MYCT1: variants seen among roughly 807,000 people sequenced by gnomAD.
MYCT1 encodes MYC target 1.
MYCT1 carries 12 observed loss-of-function variants against 15.0 expected under a neutral mutation model. The observed-to-expected ratio is 0.80, with a 90% CI of 0.51 to 1.29. The LOEUF is 1.29. Ranked by LOEUF, MYCT1 falls within the 50% of genes most tolerant of loss-of-function variation. The pLI is 0.00. For missense variants in MYCT1, 287 were observed against 279.1 expected (o/e 1.03, Z -0.20); for synonymous variants, 104 against 102.7 (o/e 1.01, Z -0.07).
At position 152,723,581 on chromosome 6, in the gene MYCT1, T is replaced by C. The variant is rs1325214626; in HGVS notation, c.*1328T>C. On this transcript the variant is annotated 3_prime_UTR_variant, in exon 2 of 2. Coordinates refer to ENST00000367245, the MANE Select transcript of MYCT1 (RefSeq NM_025107.3). ...AGGCATCATTCCTGGTTTGCTTCTC[T>C]ACGAATCTCAATTCCAACTTCTCTG... 2 of 152,260 alleles carry C rather than the reference T, an allele frequency of 1.3e-5. No homozygotes were observed. Among genetic ancestry groups the C allele is most frequent in the East Asian group, 3.9e-4 (2 of 5,192 alleles). 9.4% of individuals were successfully genotyped at this position (152,260 alleles called of 1,614,324 possible).
chr6:152,726,123 G>A (rs2099725608), downstream of MYCT1, among the ~76,000 whole-genome samples: 1 of 152,146 alleles, frequency 6.6e-6, no homozygotes, highest in Admixed American at 6.5e-5. Flanking sequence ...ATGGCCGGGC[G>A]CGGTGGCTCA....
At position 152,722,075 on chromosome 6, in the gene MYCT1, C is replaced by T. The variant is rs148957377; in HGVS notation, c.530C>T (p.Pro177Leu). ...CCCTTTCTGCAATGTCCACCACTTCCTGTGGAAACTGAGAGTCAGCTGGTG... is the reference window on the plus strand; with the variant it reads ...CCCTTTCTGCAATGTCCACCACTTCTTGTGGAAACTGAGAGTCAGCTGGTG... ...FHPFLQCPPL[P>L]VETESQLVTL... Residue 177 changes from proline (P) to leucine (L), a missense_variant, in exon 2 of 2, where the codon CCT becomes CTT. Physicochemically the swap from Pro to Leu is moderately conservative, Grantham distance 98 (BLOSUM62 -3). Transcript: ENST00000367245. The T allele has an allele frequency of 4.8e-5, 77 of 1,614,150 alleles. No homozygotes were observed. The highest frequency in any genetic ancestry group is 1.6e-4 in the Middle Eastern group (1 of 6,062).
rs2099724859 is a variant in MYCT1 at position 152,722,290 on chromosome 6, T to C, written c.*37T>C. 4 of 1,548,322 alleles carry C rather than the reference T, an allele frequency of 2.6e-6. No homozygotes were observed. Among genetic ancestry groups the C allele is most frequent in the Admixed American group, 2.1e-5 (1 of 47,686 alleles). On this transcript the variant is annotated 3_prime_UTR_variant, in exon 2 of 2. Coordinates refer to ENST00000367245, the MANE Select transcript of MYCT1 (RefSeq NM_025107.3). ...TTTGGTTTTTGTTTCTTTCTTGTCT[T>C]GTCTTTTATTGAAAGGAAATCAAAA...
At chr6:152,741,746 A>G in the MYCT1 span, among the ~76,000 whole-genome samples, 111 of 152,348 alleles carry the variant, frequency 7.3e-4, no homozygotes, top group African/African-American at 2.1e-3. Flanking sequence ...GCATTTAAAA[A>G]TACGTCCCAA....
At chr6:152,738,477 G>T in the MYCT1 span, among the ~76,000 whole-genome samples, 14 of 152,160 alleles carry the variant, frequency 9.2e-5, no homozygotes, top group Middle Eastern at 6.8e-3. Context: ...TTCACTAGAG[G>T]TTTTCAGGAT....
At chr6:152,717,884 C>A (rs1026795865) in intron 1 of MYCT1, among the ~76,000 whole-genome samples, 33 of 151,980 alleles carry the variant, frequency 2.2e-4, no homozygotes, top group Non-Finnish European at 4.0e-4. Context: ...TGTATAATTT[C>A]CGTTGCACCC....
downstream of MYCT1, among the ~76,000 whole-genome samples, chr6:152,729,140 A>G (rs991086657): frequency 6.6e-6 from 1 of 152,186 alleles, no homozygotes; most frequent in African/African-American, 2.4e-5. Flanking sequence ...GAATTTTTCA[A>G]ATTAAGGAAA....
intron 1 of MYCT1, among the ~76,000 whole-genome samples, chr6:152,721,436 T>C (rs1272658949): frequency 6.6e-6 from 1 of 152,208 alleles, no homozygotes; most frequent in Non-Finnish European, 1.5e-5. Context: ...ATGAACTAAA[T>C]GCCATAAATT....
At chr6:152,713,592 G>T (rs1183013134) in intron 1 of MYCT1, among the ~76,000 whole-genome samples, 1 of 152,054 alleles carries the variant, frequency 6.6e-6, no homozygotes, top group Non-Finnish European at 1.5e-5. Context: ...AACCTATAAA[G>T]CCTGTCCCTT....
intron 1 of MYCT1, among the ~76,000 whole-genome samples, chr6:152,701,728 C>A (rs748910518): frequency 4.6e-4 from 70 of 152,244 alleles, no homozygotes; most frequent in Non-Finnish European, 5.1e-4. Flanking sequence ...CTGCCGAAAT[C>A]TCCTACTATA....
Position 152,707,277 on chromosome 6 carries a change from C to G in MYCT1, c.196+9179C>G, listed in dbSNP as rs370086005. 4.6e-5 allele frequency among the ~76,000 whole-genome samples: 7 copies of G among 152,050 alleles called. No individual in the cohort carries two copies. In the East Asian group the frequency reaches 1.3e-3, roughly 29 times the overall value. ...GTAGTTATGTTGAGCATTTTTTCAT[C>G]TACCTATTGGTCATTTGTGGGGCTT... On this transcript the variant is annotated intron_variant, in intron 1 of 1. Transcript: ENST00000367245.
chr6:152,727,079 C>T (rs901062129), downstream of MYCT1, among the ~76,000 whole-genome samples: 2 of 151,948 alleles, frequency 1.3e-5, no homozygotes, highest in African/African-American at 2.4e-5. Flanking sequence ...GGCATGGTGG[C>T]GGGCGCCTGT....
chr6:152,727,260 T>G (rs1342383239), downstream of MYCT1, among the ~76,000 whole-genome samples: 2 of 151,772 alleles, frequency 1.3e-5, no homozygotes, highest in East Asian at 3.9e-4. Flanking sequence ...TTTGTGCCCA[T>G]GAATTTTGTA....
intron 1 of MYCT1, among the ~76,000 whole-genome samples, chr6:152,699,462 G>T (rs931839124): frequency 2.6e-5 from 4 of 152,074 alleles, no homozygotes; most frequent in African/African-American, 4.8e-5. Flanking sequence ...GTAAAGAAAG[G>T]CTTTGGTAAT....
At chr6:152,712,879 A>T (rs1196052461) in intron 1 of MYCT1, among the ~76,000 whole-genome samples, 1 of 150,696 alleles carries the variant, frequency 6.6e-6, no homozygotes, top group Admixed American at 6.6e-5. Context: ...TTTGACTATG[A>T]CGTGCATAGT....
intron 1 of MYCT1, among the ~76,000 whole-genome samples, chr6:152,712,826 G>A (rs1277769329): frequency 6.6e-6 from 1 of 151,878 alleles, no homozygotes; most frequent in Admixed American, 6.6e-5. Flanking sequence ...TTTGTAATTT[G>A]GCTGTGTTCA....
chr6:152,702,700 A>C (rs1039493557), intron 1 of MYCT1, among the ~76,000 whole-genome samples: 7 of 152,198 alleles, frequency 4.6e-5, no homozygotes, highest in African/African-American at 1.7e-4. Flanking sequence ...AATTTCCACT[A>C]TATCTTCCCC....
downstream of MYCT1, among the ~76,000 whole-genome samples, chr6:152,726,008 C>A (rs932263226): frequency 1.3e-4 from 20 of 152,282 alleles, no homozygotes; most frequent in Admixed American, 1.0e-3. Flanking sequence ...AGTAAAATGG[C>A]TGCAGTATCT....
intron 1 of MYCT1, among the ~76,000 whole-genome samples, chr6:152,713,406 T>C (rs1340262470): frequency 6.6e-6 from 1 of 152,156 alleles, no homozygotes; most frequent in African/African-American, 2.4e-5. Flanking sequence ...GTTGACTGTC[T>C]TTTCTCTTAA....
Sources: allele counts gnomAD v4.1 joint callset (sites outside exome capture counted in the v4.1 genomes callset), GRCh38; gene constraint gnomAD v4.1.1; transcripts MANE v1.5; gene names NCBI Gene and HGNC (gene_info 2026-07-23, HGNC 2026-07-21).